Variants in XPO7 observed in about 807,000 individuals in gnomAD.
XPO7 encodes the protein exportin-7.
In XPO7, 21 loss-of-function variants were observed where a neutral mutation model predicts 144.3. That is an observed-to-expected ratio of 0.15 (90% CI 0.10 to 0.21). XPO7 has a LOEUF of 0.21. XPO7 is among the 10% of genes least tolerant of loss of function. The pLI is 1.00. For missense variants in XPO7, 808 were observed against 1,325.8 expected (o/e 0.61, Z 6.06); for synonymous variants, 580 against 499.6 (o/e 1.16, Z -2.15).
chr8:21,990,497 C>G (rs574849496), intron 17 of XPO7, 90 bp downstream of exon 17: 2 of 1,425,012 alleles, frequency 1.4e-6, no homozygotes, highest in Non-Finnish European at 2.0e-6. Context: ...ACTGAGGTCC[C>G]GGGTATTGCT....
chr8:22,001,022 T>C (rs1563340340), intron 24 of XPO7, among the ~76,000 whole-genome samples: 1 of 152,144 alleles, frequency 6.6e-6, no homozygotes, highest in Non-Finnish European at 1.5e-5. Flanking sequence ...TTTTATGTCT[T>C]ATTGAAAATA....
intron 1 of XPO7, among the ~76,000 whole-genome samples, chr8:21,943,275 C>T (rs998332065): frequency 1.1e-4 from 17 of 152,312 alleles, no homozygotes; most frequent in African/African-American, 3.8e-4. Flanking sequence ...GCACACAATA[C>T]GGCTTTCCCT....
rs1374117547 is a variant in XPO7, at chr8:22,006,473, CTG to C, written c.*1390_*1391del. ...ATTTTTTTTCCTTCTCCTCTGGCGA[CTG>C]TGTGATGAATCCTTTCTTGCGTGAT... On this transcript the variant is annotated 3_prime_UTR_variant, in exon 28 of 28. Coordinates refer to ENST00000252512, the MANE Select transcript of XPO7 (RefSeq NM_015024.5). 1.3e-5 allele frequency: 2 copies of C among 152,132 alleles called. No homozygotes were observed. The highest frequency in any genetic ancestry group is 4.8e-5 in the African/African-American group (2 of 41,418). The allele number at this position is 152,132 out of a possible 1,614,324, so 9.4% of individuals were successfully genotyped here.
intron 26 of XPO7, 64 bp downstream of exon 26, chr8:22,003,381 A>G: frequency 7.6e-7 from 1 of 1,309,356 alleles, no homozygotes; most frequent in African/African-American, 1.5e-5. Context: ...TGGTATCACC[A>G]AGCCCTGGGA....
In XPO7 at chr8:21,939,493, T is replaced by C. The variant is rs375689769; in HGVS notation, c.18+19705T>C. ...GCCTCAGCCTCCCAAAGTGCTGGGA[T>C]TACAGGTGTGAGCCACCGCCCCAGG... On this transcript the variant is annotated intron_variant, in intron 1 of 27. Coordinates refer to ENST00000252512, the MANE Select transcript of XPO7 (RefSeq NM_015024.5). 2.6e-5 allele frequency among the ~76,000 whole-genome samples: 4 copies of C among 152,310 alleles called. No individual in the cohort carries two copies. The East Asian group carries it at 7.7e-4, about 29-fold the overall frequency.
In XPO7 at chr8:21,980,076, G is replaced by T. The variant is rs1350243956; in HGVS notation, c.838-8G>T. On this transcript the variant is annotated splice_region_variant and splice_polypyrimidine_tract_variant and intron_variant, in intron 8 of 27. Transcript: ENST00000252512. ...AATCGTTGTGTTTGGGTTCTGCCCT[G>T]CATTTAGGTATTATCCTGCTTGGTA... 1 of 1,574,332 alleles carries T rather than the reference G, an allele frequency of 6.4e-7. No homozygotes were observed. The highest frequency in any genetic ancestry group is 8.6e-7 in the Non-Finnish European group (1 of 1,158,598).
At chr8:21,972,149 A>G (rs1188174056) in intron 5 of XPO7, among the ~76,000 whole-genome samples, 4 of 149,552 alleles carry the variant, frequency 2.7e-5, no homozygotes, top group African/African-American at 7.4e-5. Context: ...TTCTGTCTCC[A>G]GGTTGTTTTC....
intron 1 of XPO7, among the ~76,000 whole-genome samples, chr8:21,929,584 C>G (rs1447586372): frequency 2.0e-5 from 3 of 152,166 alleles, no homozygotes; most frequent in South Asian, 2.1e-4. Context: ...GATAGTAAAC[C>G]ATGAAATCAC....
chr8:21,985,321 G>A (rs1359172387), intron 12 of XPO7, among the ~76,000 whole-genome samples: 1 of 152,222 alleles, frequency 6.6e-6, no homozygotes, highest in African/African-American at 2.4e-5. Flanking sequence ...TTGTAACATG[G>A]CACTGTGCCC....
intron 13 of XPO7, 21 bp downstream of exon 13, chr8:21,985,712 C>T (rs368865739): frequency 1.2e-6 from 2 of 1,605,668 alleles, no homozygotes; most frequent in African/African-American, 2.7e-5. Flanking sequence ...CCCACAGAAG[C>T]TCTCCACTCT....
rs372798194 is a variant in XPO7, at chr8:21,992,012, G to A, written c.2148+38G>A. ...TTCACCCAGTAATTAATCAGCTTCTGGTTTAGGGCAGTCTCTGATTGAAAA... is the reference window on the plus strand; with the variant it reads ...TTCACCCAGTAATTAATCAGCTTCTAGTTTAGGGCAGTCTCTGATTGAAAA... On this transcript the variant is annotated intron_variant, in intron 19 of 27. Coordinates refer to ENST00000252512, the MANE Select transcript of XPO7 (RefSeq NM_015024.5). 3.9e-5 allele frequency: 60 copies of A among 1,534,226 alleles called. No individual in the cohort carries two copies. In the African/African-American group the frequency reaches 6.7e-4, roughly 17 times the overall value.
At position 21,969,003 on chromosome 8, in the gene XPO7, C is replaced by T. The variant is rs953090605; in HGVS notation, c.166-480C>T. On this transcript the variant is annotated intron_variant, in intron 2 of 27. Transcript: ENST00000252512. ...TGATAGCTGCGCTGATGGAAAGATA[C>T]AATTTGGAGACAACTATACAGCATA... Among the ~76,000 whole-genome samples the T allele has an allele frequency of 2.0e-5, 3 of 152,330 alleles. 1 individual carries two copies. The East Asian group carries it at 5.8e-4, about 29-fold the overall frequency.
intron 1 of XPO7, among the ~76,000 whole-genome samples, chr8:21,929,669 CCAT>C (rs1810580666): frequency 6.6e-6 from 1 of 152,096 alleles, no homozygotes; most frequent in African/African-American, 2.4e-5. Flanking sequence ...GTATTATTTA[CCAT>C]AAAGTTTTTC....
intron 27 of XPO7, 47 bp from the exon 28 acceptor site, chr8:22,004,947 CT>C (rs758681789): frequency 1.2e-6 from 1 of 858,736 alleles, no homozygotes; most frequent in Non-Finnish European, 1.7e-6. Context: ...AGGCAAATAC[CT>C]TTCCCCCCCA....
At chr8:22,004,639 G>C (rs1813262046) in intron 27 of XPO7, among the ~76,000 whole-genome samples, 2 of 152,170 alleles carry the variant, frequency 1.3e-5, no homozygotes, top group Non-Finnish European at 2.9e-5. Context: ...AGCCATATGT[G>C]GTTAGCAGCC....
intron 1 of XPO7, among the ~76,000 whole-genome samples, chr8:21,957,908 G>T (rs1297085704): frequency 6.6e-6 from 1 of 151,490 alleles, no homozygotes; most frequent in African/African-American, 2.4e-5. Context: ...CATGTTTCTT[G>T]CAGTTTTGTG....
At position 21,994,469 on chromosome 8, in the gene XPO7, A is replaced by G. The variant is rs1341857546; in HGVS notation, c.2237+18A>G. 1 of 1,604,030 alleles carries G rather than the reference A, an allele frequency of 6.2e-7. No individual in the cohort carries two copies. The highest frequency in any genetic ancestry group is 8.5e-7 in the Non-Finnish European group (1 of 1,173,328). On this transcript the variant is annotated intron_variant, in intron 20 of 27. Coordinates refer to ENST00000252512, the MANE Select transcript of XPO7 (RefSeq NM_015024.5). ...GAATGGATGTATCCTAACTCAAACT[A>G]GGAGCACACTACAGCCTGCCTTAAC...
chr8:21,989,821 CTTTTTTT>C (rs1170364778), intron 16 of XPO7, among the ~76,000 whole-genome samples: 2 of 59,672 alleles, frequency 3.4e-5, no homozygotes, highest in Admixed American at 2.5e-4. Context: ...TAGGTGTTTC[CTTTTTTT>C]TTTTTTTTTT....
At chr8:21,985,560 G>A in intron 12 of XPO7, 26 bp from the exon 13 acceptor site, 1 of 1,603,600 alleles carries the variant, frequency 6.2e-7, no homozygotes. Flanking sequence ...CACTGGAGGT[G>A]ACACTGGGTC....
Sources: allele counts gnomAD v4.1 joint callset (sites outside exome capture counted in the v4.1 genomes callset), GRCh38; gene constraint gnomAD v4.1.1; transcripts MANE v1.5; gene names NCBI Gene and HGNC (gene_info 2026-07-23, HGNC 2026-07-21).